The following TNRC6A variants were observed in gnomAD, a reference collection of about 807,000 sequenced individuals.
The protein encoded by TNRC6A is trinucleotide repeat containing adaptor 6A, also known as trinucleotide repeat-containing gene 6A protein.
In TNRC6A, 44 loss-of-function variants were observed where a neutral mutation model predicts 221.2. The ratio of observed to expected loss-of-function variants is 0.20; its 90% CI spans 0.16 to 0.26. The LOEUF (loss-of-function observed/expected upper bound fraction) is 0.26. Ranked by LOEUF, TNRC6A falls within the 10% of genes least tolerant of loss-of-function variation. TNRC6A has a pLI of 1.00. For synonymous variants in TNRC6A, 847 were observed against 838.5 expected, an observed-to-expected ratio of 1.01 and a Z score of -0.18; for missense variants, 2,199 against 2,404.4, an observed-to-expected ratio of 0.91 and a Z score of 1.79.
chr16:24,676,355 G>C (rs2055420551), intron 2 of TNRC6A, among the ~76,000 whole-genome samples: 1 of 152,094 alleles, frequency 6.6e-6, no homozygotes, highest in Admixed American at 6.6e-5. Flanking sequence ...GGAGTGCAGT[G>C]GCATGCTCTT....
chr16:24,668,880 C>A (rs1053535200), intron 2 of TNRC6A, among the ~76,000 whole-genome samples: 9 of 152,174 alleles, frequency 5.9e-5, no homozygotes, highest in African/African-American at 1.9e-4. Flanking sequence ...GCCTTGCCAA[C>A]CTCCCTTTGA....
chr16:24,695,224 T>C (rs1024842611), intron 2 of TNRC6A, among the ~76,000 whole-genome samples: 1 of 152,002 alleles, frequency 6.6e-6, no homozygotes, highest in African/African-American at 2.4e-5. Context: ...AGCGAGCCAG[T>C]GGTGGGAAGG....
At chr16:24,613,115 CAAA>C (rs553122873) in intron 1 of TNRC6A, among the ~76,000 whole-genome samples, 50 of 55,678 alleles carry the variant, frequency 9.0e-4, no homozygotes, top group African/African-American at 3.0e-3. Context: ...GACTCTGTCT[CAAA>C]AAAAAAAAAA....
intron 2 of TNRC6A, among the ~76,000 whole-genome samples, chr16:24,703,291 A>C (rs1596519193): frequency 6.6e-6 from 1 of 152,188 alleles, no homozygotes; most frequent in East Asian, 1.9e-4. Context: ...AAATGGAATG[A>C]CATTATATGT....
chr16:24,817,837 A>G (rs1342121530), intron 20 of TNRC6A, among the ~76,000 whole-genome samples: 1 of 152,140 alleles, frequency 6.6e-6, no homozygotes, highest in Non-Finnish European at 1.5e-5. Context: ...TCTGCCCGCT[A>G]TGGGAACACT....
chr16:24,730,569 A>AT (rs1348772101), intron 2 of TNRC6A, among the ~76,000 whole-genome samples: 1 of 151,894 alleles, frequency 6.6e-6, no homozygotes, highest in Non-Finnish European at 1.5e-5. Context: ...TTAGAATTTA[A>AT]TTAGGGGACT....
At chr16:24,811,209 A>G (rs1208645359) in intron 18 of TNRC6A, among the ~76,000 whole-genome samples, 3 of 152,156 alleles carry the variant, frequency 2.0e-5, no homozygotes, top group African/African-American at 7.2e-5. Context: ...TGCCATGCTA[A>G]CCCTTAGCTG....
At chr16:24,692,351 A>G (rs1379354206) in intron 2 of TNRC6A, among the ~76,000 whole-genome samples, 1 of 152,190 alleles carries the variant, frequency 6.6e-6, no homozygotes, top group Non-Finnish European at 1.5e-5. Flanking sequence ...CAGGCGGATC[A>G]CTTGAGGCCA....
chr16:24,651,897 G>C (rs1466459499), intron 2 of TNRC6A, among the ~76,000 whole-genome samples: 2 of 149,698 alleles, frequency 1.3e-5, no homozygotes, highest in Admixed American at 6.7e-5. Context: ...TCAGGAGTTT[G>C]AGACCAGTCT....
At chr16:24,767,194 T>C (rs1421915926) in intron 4 of TNRC6A, among the ~76,000 whole-genome samples, 1 of 152,240 alleles carries the variant, frequency 6.6e-6, no homozygotes, top group East Asian at 1.9e-4. Flanking sequence ...ATCTAAATTT[T>C]GCCTAATCCC....
At chr16:24,654,714 T>G (rs767425541) in intron 2 of TNRC6A, among the ~76,000 whole-genome samples, 2 of 151,422 alleles carry the variant, frequency 1.3e-5, no homozygotes, top group Non-Finnish European at 2.9e-5. Context: ...GTGAGACTTC[T>G]TCTCAAAAAA....
chr16:24,622,183 G>T (rs1267897126), intron 1 of TNRC6A, among the ~76,000 whole-genome samples: 1 of 152,110 alleles, frequency 6.6e-6, no homozygotes, highest in African/African-American at 2.4e-5. Flanking sequence ...ACTTTGAGAG[G>T]CCAAGGTGGG....
At chr16:24,633,421 G>A (rs1436979318) in intron 1 of TNRC6A, among the ~76,000 whole-genome samples, 1 of 151,820 alleles carries the variant, frequency 6.6e-6, no homozygotes, top group Non-Finnish European at 1.5e-5. Flanking sequence ...TTGAGACAGA[G>A]TCTCACTCTG....
chr16:24,776,289 G>T, intron 4 of TNRC6A: 1 of 985,042 alleles, frequency 1.0e-6, no homozygotes. Context: ...TTAAGATAGA[G>T]CATCCAGATT....
At chr16:24,610,965 C>T (rs1315356829) in intron 1 of TNRC6A, among the ~76,000 whole-genome samples, 1 of 151,940 alleles carries the variant, frequency 6.6e-6, no homozygotes, top group East Asian at 1.9e-4. Context: ...CGCCCACCGC[C>T]ACACCCGTCT....
intron 2 of TNRC6A, among the ~76,000 whole-genome samples, chr16:24,653,051 T>C (rs1415134442): frequency 6.6e-6 from 1 of 152,192 alleles, no homozygotes; most frequent in Non-Finnish European, 1.5e-5. Flanking sequence ...TGCATTCCAC[T>C]TCCCTAAGAC....
intron 2 of TNRC6A, among the ~76,000 whole-genome samples, chr16:24,718,211 G>A (rs1442090028): frequency 2.0e-5 from 3 of 152,214 alleles, no homozygotes; most frequent in Non-Finnish European, 4.4e-5. Context: ...TGCTGGCAGT[G>A]CCTGGATAAA....
At position 24,729,876 on chromosome 16, in the gene TNRC6A, G is replaced by C. The variant is rs1389045943; in HGVS notation, c.5+30G>C. ...GCGGAACAAGGGCCTCCCTCCGGGC[G>C]GGAGGAGCCGCGGGCGCTGCCGCAG... On this transcript the variant is annotated intron_variant, in intron 1 of 24. Transcript: ENST00000395799. 5.5e-6 allele frequency: 7 copies of C among 1,263,894 alleles called. No homozygotes were observed. The East Asian group carries it at 2.0e-4, about 36-fold the overall frequency. 78.3% of individuals were successfully genotyped at this position (1,263,894 alleles called of 1,614,324 possible).
chr16:24,657,175 A>G (rs2054929020), intron 2 of TNRC6A, among the ~76,000 whole-genome samples: 1 of 151,958 alleles, frequency 6.6e-6, no homozygotes, highest in African/African-American at 2.4e-5. Context: ...TTAGCCAGGC[A>G]TGGTGGTGCA....
Sources: allele counts gnomAD v4.1 joint callset (sites outside exome capture counted in the v4.1 genomes callset), GRCh38; gene constraint gnomAD v4.1.1; transcripts MANE v1.5; gene names NCBI Gene and HGNC (gene_info 2026-07-23, HGNC 2026-07-21).